Variants in WDR35 observed in about 807,000 individuals in gnomAD.
WDR35 encodes the protein WD repeat domain 35.
In WDR35, 118 loss-of-function variants were observed where a neutral mutation model predicts 158.3. The observed-to-expected ratio is 0.75, with a 90% CI of 0.64 to 0.87. WDR35 has a LOEUF of 0.87. Ranked by LOEUF, WDR35 falls within the 40% of genes least tolerant of loss-of-function variation. The pLI, the probability that WDR35 is intolerant of heterozygous loss-of-function variation, is 0.00. For missense variants in WDR35, 1,263 were observed against 1,405.8 expected, an observed-to-expected ratio of 0.90 and a Z score of 1.62; for synonymous variants, 448 against 476.1, an observed-to-expected ratio of 0.94 and a Z score of 0.77.
rs1281900371 is a variant in WDR35 at position 19,934,711 on chromosome 2, C to T, written c.2547+760G>A. 6.6e-6 allele frequency among the ~76,000 whole-genome samples: 1 copy of T among 152,080 alleles called. No homozygotes were observed. The highest frequency in any genetic ancestry group is 1.5e-5 in the Non-Finnish European group (1 of 68,000). On this transcript the variant is annotated intron_variant, in intron 21 of 26. Coordinates refer to ENST00000281405, the MANE Select transcript of WDR35 (RefSeq NM_020779.4). This position sits in a 1 kb window ranked among gnomAD's most constrained non-coding sequence, Gnocchi z 4.6. Reference sequence around the variant, plus strand: ...GGTTCTAAGTAATTTCAGTTTCTTTCCTACTCAAGAAAACCCATAGGATTG... The same window carrying T: ...GGTTCTAAGTAATTTCAGTTTCTTTTCTACTCAAGAAAACCCATAGGATTG...
intron 25 of WDR35, among the ~76,000 whole-genome samples, chr2:19,928,811 T>A (rs1670439563): frequency 1.0e-5 from 1 of 95,346 alleles, no homozygotes; most frequent in Non-Finnish European, 2.2e-5. Context: ...AAGATACTAT[T>A]TTTTTTTTTT....
rs758405810 is a variant in WDR35 at position 19,966,817 on chromosome 2, T to C, written c.1101A>G (p.Glu367=). 4 of 1,613,962 alleles carry C rather than the reference T, an allele frequency of 2.5e-6. No individual in the cohort carries two copies. Among genetic ancestry groups the C allele is most frequent in the Middle Eastern group, 1.7e-4 (1 of 6,058 alleles). ...CVVFWDTKNN[E]KYVKYVKGLI... ...GACCCTTCACATATTTAACATATTT[T>C]TCATTGTTTTTCGTATCCCAGAAGA... The change falls in exon 10 of 27, where the codon GAA becomes GAG. Residue 367 remains glutamate (E), a synonymous_variant. Transcript: ENST00000281405.
chr2:19,919,252 G>A (rs1193367348), intron 25 of WDR35, among the ~76,000 whole-genome samples: 3 of 151,584 alleles, frequency 2.0e-5, no homozygotes, highest in Non-Finnish European at 4.4e-5. Flanking sequence ...ATGGTGGCGG[G>A]CGCCTGTAGT....
intron 25 of WDR35, 54 bp downstream of exon 25, chr2:19,930,342 C>A: frequency 1.2e-6 from 2 of 1,612,564 alleles, no homozygotes; most frequent in Non-Finnish European, 1.7e-6. Context: ...GCTAGCCCTT[C>A]ATACTCAATT....
intron 3 of WDR35, among the ~76,000 whole-genome samples, chr2:19,982,262 G>C (rs1204390902): frequency 6.6e-6 from 1 of 152,180 alleles, no homozygotes; most frequent in African/African-American, 2.4e-5. Flanking sequence ...GCAGAGCTAC[G>C]ATGTTCAGTA....
chr2:19,953,389 C>A (rs961816327), intron 12 of WDR35, among the ~76,000 whole-genome samples: 1 of 152,156 alleles, frequency 6.6e-6, no homozygotes, highest in South Asian at 2.1e-4. Flanking sequence ...TTCACCCCAC[C>A]TAAAGACTTC....
At chr2:19,945,319 G>C (rs1671011710) in intron 16 of WDR35, among the ~76,000 whole-genome samples, 2 of 152,172 alleles carry the variant, frequency 1.3e-5, no homozygotes. Flanking sequence ...ACAGATTTGT[G>C]AACGATATGG....
chr2:19,931,545 T>G (rs1338390885), intron 23 of WDR35, 136 bp from the exon 24 acceptor site: 2 of 933,110 alleles, frequency 2.1e-6, no homozygotes, highest in Non-Finnish European at 3.2e-6. Flanking sequence ...TATCACCTAT[T>G]TAAGATAAAT....
In WDR35 at chr2:19,911,115, G is replaced by A. The variant is rs550550552; in HGVS notation, c.*2443C>T. 6.6e-6 allele frequency: 1 copy of A among 152,240 alleles called. No homozygotes were observed. The highest frequency in any genetic ancestry group is 1.9e-4 in the East Asian group (1 of 5,162). The allele number at this position is 152,240 out of a possible 1,614,324, so 9.4% of individuals were successfully genotyped here. ...AATTCGTTGGTGGGAAAATTCTAGG[G>A]CTCAGGCAGCACAGAATTAGGGGGA... is the stretch of plus-strand genomic sequence containing the variant. On this transcript the variant is annotated 3_prime_UTR_variant, in exon 27 of 27. Transcript: ENST00000281405.
At chr2:19,942,279 G>A (rs1045864397) in intron 16 of WDR35, among the ~76,000 whole-genome samples, 1 of 152,102 alleles carries the variant, frequency 6.6e-6, no homozygotes, top group Non-Finnish European at 1.5e-5. Context: ...TCATAAAGCT[G>A]ATAAACACTA....
intron 25 of WDR35, among the ~76,000 whole-genome samples, chr2:19,926,782 G>A (rs377361209): frequency 1.3e-5 from 2 of 152,190 alleles, no homozygotes; most frequent in East Asian, 1.9e-4. Context: ...ATAACTTGGG[G>A]TAGAGGTTAT....
intron 25 of WDR35, among the ~76,000 whole-genome samples, chr2:19,915,462 G>C (rs1459321211): frequency 6.7e-6 from 1 of 150,350 alleles, no homozygotes; most frequent in Non-Finnish European, 1.5e-5. Flanking sequence ...GAGGCATATA[G>C]AGATCTTCAC....
intron 2 of WDR35, among the ~76,000 whole-genome samples, chr2:19,987,123 C>T (rs533915825): frequency 6.6e-6 from 1 of 152,314 alleles, no homozygotes; most frequent in South Asian, 2.1e-4. Flanking sequence ...TAGAGGATTG[C>T]TGTATTATGT....
intron 10 of WDR35, among the ~76,000 whole-genome samples, chr2:19,964,198 A>G (rs916059466): frequency 6.6e-6 from 1 of 151,950 alleles, no homozygotes; most frequent in African/African-American, 2.4e-5. Context: ...TTTTCTCCCC[A>G]ATGTTCTGAA....
Position 19,953,831 on chromosome 2 carries a change from T to C in WDR35, c.1400+3A>G, listed in dbSNP as rs776631281. The C allele has an allele frequency of 6.2e-6, 10 of 1,613,944 alleles. No individual in the cohort carries two copies. The highest frequency in any genetic ancestry group is 8.5e-6 in the Non-Finnish European group (10 of 1,179,998). On this transcript the variant is annotated splice_donor_region_variant and intron_variant, in intron 12 of 26. Coordinates refer to ENST00000281405, the MANE Select transcript of WDR35 (RefSeq NM_020779.4). ...ACTAAAAAGTATGTATCAAAAGATA[T>C]ACCTTTCTCTCCCTTCTTTTCGAGA...
intron 2 of WDR35, among the ~76,000 whole-genome samples, chr2:19,983,708 T>C (rs1672461020): frequency 6.6e-6 from 1 of 152,114 alleles, no homozygotes. Flanking sequence ...CTGAAAACAT[T>C]GTCAGGAAAA....
intron 13 of WDR35, among the ~76,000 whole-genome samples, chr2:19,949,597 G>T (rs533223150): frequency 8.8e-4 from 134 of 152,298 alleles, no homozygotes; most frequent in African/African-American, 3.1e-3. Flanking sequence ...CATATTTTAA[G>T]TACTCAATAG....
chr2:19,984,691 G>T (rs999427922), intron 2 of WDR35, among the ~76,000 whole-genome samples: 1 of 152,192 alleles, frequency 6.6e-6, no homozygotes, highest in East Asian at 1.9e-4. Context: ...AAGAACAGAA[G>T]ATCATGCTAA....
In WDR35 at chr2:19,911,630, A is replaced by G. The variant is rs1304021314; in HGVS notation, c.*1928T>C. 1.3e-5 allele frequency: 2 copies of G among 152,254 alleles called. No homozygotes were observed. Among genetic ancestry groups the G allele is most frequent in the Non-Finnish European group, 2.9e-5 (2 of 68,038 alleles). The allele number at this position is 152,254 out of a possible 1,614,324, so 9.4% of individuals were successfully genotyped here. On this transcript the variant is annotated 3_prime_UTR_variant, in exon 27 of 27. Transcript: ENST00000281405. ...TCATTGTGTTACATTTAGGTAAGTAAGTTAGTAACCTAGGAGACTTATTAG... is the reference window on the plus strand; with the variant it reads ...TCATTGTGTTACATTTAGGTAAGTAGGTTAGTAACCTAGGAGACTTATTAG...
Sources: gnomAD v4.1 joint callset for allele counts (sites outside exome capture counted in the v4.1 genomes callset) on GRCh38, gnomAD v4.1.1 for gene constraint, Gnocchi (gnomAD v3.1) non-coding constraint, MANE v1.5 for transcripts, NCBI Gene and HGNC (gene_info 2026-07-23, HGNC 2026-07-21) for gene names.